The following C16orf78 variants were observed in gnomAD, a reference collection of about 807,000 sequenced individuals.
C16orf78 encodes uncharacterized protein C16orf78.
In C16orf78, 19 loss-of-function variants were observed where a neutral mutation model predicts 27.3. That is an observed-to-expected ratio of 0.70 (90% CI 0.49 to 1.02). C16orf78 has a LOEUF of 1.02. Ranked by LOEUF, C16orf78 falls within the 50% of genes least tolerant of loss-of-function variation. C16orf78 has a pLI of 0.00. For missense variants in C16orf78, 339 were observed against 337.0 expected, an observed-to-expected ratio of 1.01 and a Z score of -0.05; for synonymous variants, 130 against 116.1, an observed-to-expected ratio of 1.12 and a Z score of -0.77.
chr16:49,396,689 C>T lies in C16orf78; in HGVS notation c.650+11C>T, dbSNP rs764186843. The T allele has an allele frequency of 1.9e-6, 3 of 1,603,152 alleles. No individual in the cohort carries two copies. The highest frequency in any genetic ancestry group is 2.2e-5 in the South Asian group (2 of 90,800). ...GGTGCTGAGCTGCCGGTGAGAGCTG[C>T]CACCCCCTGGGCAGATGGGGTGGGG... On this transcript the variant is annotated intron_variant, in intron 4 of 4. Transcript: ENST00000299191.
chr16:49,387,420 T>C (rs1965364643), intron 3 of C16orf78, among the ~76,000 whole-genome samples: 2 of 152,192 alleles, frequency 1.3e-5, no homozygotes, highest in Admixed American at 6.5e-5. Flanking sequence ...ACTCTGTTGA[T>C]AGTTTCTTCT....
intron 3 of C16orf78, 60 bp from the exon 4 acceptor site, chr16:49,396,363 C>A (rs1965472563): frequency 6.3e-7 from 1 of 1,579,358 alleles, no homozygotes; most frequent in Non-Finnish European, 8.6e-7. Flanking sequence ...CCCTTCCTGC[C>A]TACCCCACCT....
chr16:49,380,244 C>T (rs760202287), intron 3 of C16orf78, among the ~76,000 whole-genome samples: 56 of 152,176 alleles, frequency 3.7e-4, no homozygotes, highest in Non-Finnish European at 7.1e-4. Context: ...ACTGTGGGAC[C>T]TCACCTTGTG....
intron 3 of C16orf78, among the ~76,000 whole-genome samples, chr16:49,390,768 C>T (rs1210548907): frequency 6.6e-6 from 1 of 152,200 alleles, no homozygotes; most frequent in Non-Finnish European, 1.5e-5. Context: ...GCTTTTTCCT[C>T]CTGTTCTACC....
At chr16:49,396,745 C>A in intron 4 of C16orf78, 67 bp downstream of exon 4, 2 of 1,544,496 alleles carry the variant, frequency 1.3e-6, no homozygotes, top group South Asian at 1.2e-5. Flanking sequence ...ACTCTTGTCC[C>A]TGGCTCAAAC....
At chr16:49,382,304 A>G (rs567734977) in intron 3 of C16orf78, among the ~76,000 whole-genome samples, 1 of 152,138 alleles carries the variant, frequency 6.6e-6, no homozygotes, top group African/African-American at 2.4e-5. Flanking sequence ...TAGGAGATAT[A>G]CCTAATGCTA....
At chr16:49,378,097 A>C (rs1413868932) in intron 2 of C16orf78, among the ~76,000 whole-genome samples, 2 of 151,974 alleles carry the variant, frequency 1.3e-5, no homozygotes, top group Non-Finnish European at 2.9e-5. Context: ...GCCCACATTT[A>C]TCCCTGAAAC....
chr16:49,378,095 T>C (rs111343526), intron 2 of C16orf78, among the ~76,000 whole-genome samples: 1 of 152,100 alleles, frequency 6.6e-6, no homozygotes, highest in Non-Finnish European at 1.5e-5. Context: ...TTGCCCACAT[T>C]TATCCCTGAA....
chr16:49,377,631 G>T (rs1279314536), intron 1 of C16orf78, 100 bp from the exon 2 acceptor site: 16 of 1,449,608 alleles, frequency 1.1e-5, no homozygotes, highest in African/African-American at 1.4e-5. Context: ...CTGTGGAGGG[G>T]AGGGACAGCC....
In C16orf78 at chr16:49,399,268, T is replaced by C. The variant is rs1235162090; in HGVS notation, c.788T>C (p.Met263Thr). The change falls in exon 5 of 5, where the codon ATG becomes ACG. Residue 263 changes from methionine to threonine, a missense_variant. Coordinates refer to ENST00000299191, the MANE Select transcript of C16orf78 (RefSeq NM_144602.4). ...AAGGTGTTCACCGGAATACCCAGCATGGCCCTCTAAATAGCTCCTCTCGCC... is the reference window on the plus strand; with the variant it reads ...AAGGTGTTCACCGGAATACCCAGCACGGCCCTCTAAATAGCTCCTCTCGCC... ...AKKVFTGIPSMAL is the reference protein window; with the variant it reads ...AKKVFTGIPSTAL 2 of 1,614,018 alleles carry C rather than the reference T, an allele frequency of 1.2e-6. No individual in the cohort carries two copies. Among genetic ancestry groups the C allele is most frequent in the Non-Finnish European group, 1.7e-6 (2 of 1,180,010 alleles).
intron 3 of C16orf78, among the ~76,000 whole-genome samples, chr16:49,391,737 C>G (rs1338121081): frequency 6.6e-6 from 1 of 152,178 alleles, no homozygotes; most frequent in Non-Finnish European, 1.5e-5. Context: ...ATTGTCATTA[C>G]TTTTTATATT....
chr16:49,397,056 G>T (rs2151616925), intron 4 of C16orf78, among the ~76,000 whole-genome samples: 1 of 152,320 alleles, frequency 6.6e-6, no homozygotes, highest in African/African-American at 2.4e-5. Flanking sequence ...TGCTGGTGAT[G>T]GTAGCCACCA....
intron 1 of C16orf78, among the ~76,000 whole-genome samples, chr16:49,375,044 T>G (rs1463880204): frequency 1.3e-5 from 2 of 152,214 alleles, no homozygotes; most frequent in African/African-American, 4.8e-5. Flanking sequence ...CTGGGTTATG[T>G]GGTCAATTGC....
In C16orf78 at chr16:49,378,503, T is replaced by C; in HGVS notation, c.304T>C (p.Ser102Pro). Residue 102 changes from serine (S) to proline (P), a missense_variant, in exon 3 of 5, where the codon TCC becomes CCC. Physicochemically the swap from Ser to Pro is moderately conservative, Grantham distance 74. Transcript: ENST00000299191. Reference protein sequence around the residue: ...LGKRFRKDAASYRSLYGVEQK... With the variant: ...LGKRFRKDAAPYRSLYGVEQK... The stretch of plus-strand genomic sequence containing the variant: ...AAAGAGATTCAGGAAGGACGCCGCC[T>C]CCTACCGAAGCCTCTATGGAGTGGA... The C allele has an allele frequency of 6.2e-7, 1 of 1,605,104 alleles. No individual in the cohort carries two copies. Among genetic ancestry groups the C allele is most frequent in the East Asian group, 2.2e-5 (1 of 44,702 alleles).
intron 3 of C16orf78, among the ~76,000 whole-genome samples, chr16:49,378,893 G>A (rs922367811): frequency 1.3e-5 from 2 of 152,202 alleles, no homozygotes; most frequent in Non-Finnish European, 2.9e-5. Context: ...CTATTTTGGT[G>A]ACATCAACTT....
intron 1 of C16orf78, among the ~76,000 whole-genome samples, chr16:49,374,596 G>A (rs1965192339): frequency 6.6e-6 from 1 of 152,224 alleles, no homozygotes. Flanking sequence ...GAAGGGCCAA[G>A]GGGCAGTGGC....
intron 3 of C16orf78, among the ~76,000 whole-genome samples, chr16:49,380,569 T>C (rs1447994899): frequency 6.6e-6 from 1 of 152,144 alleles, no homozygotes; most frequent in African/African-American, 2.4e-5. Flanking sequence ...CACGAAGTCA[T>C]TGTGTGTAAA....
intron 3 of C16orf78, among the ~76,000 whole-genome samples, chr16:49,381,043 G>A (rs1343078380): frequency 6.6e-6 from 1 of 151,678 alleles, no homozygotes; most frequent in Non-Finnish European, 1.5e-5. Flanking sequence ...TAGCCTTGTA[G>A]TATAGTTTGA....
At chr16:49,394,966 C>T (rs1284359584) in intron 3 of C16orf78, among the ~76,000 whole-genome samples, 1 of 152,078 alleles carries the variant, frequency 6.6e-6, no homozygotes, top group Non-Finnish European at 1.5e-5. Context: ...CTCCTGGGCT[C>T]GAGCAATCCT....
Sources: gnomAD v4.1 joint callset for allele counts (sites outside exome capture counted in the v4.1 genomes callset) on GRCh38, gnomAD v4.1.1 for gene constraint, MANE v1.5 for transcripts, NCBI Gene and HGNC (gene_info 2026-07-23, HGNC 2026-07-21) for gene names.